NRXN3: variants seen among roughly 807,000 people sequenced by gnomAD.
NRXN3 encodes neurexin III.
In NRXN3, 32 loss-of-function variants were observed where a neutral mutation model predicts 137.6. The ratio of observed to expected loss-of-function variants is 0.23; its 90% CI spans 0.18 to 0.31. The LOEUF (loss-of-function observed/expected upper bound fraction) is 0.31. Ranked by LOEUF, NRXN3 falls within the 10% of genes least tolerant of loss-of-function variation. The pLI, the probability that NRXN3 is intolerant of heterozygous loss-of-function variation, is 1.00. For missense variants in NRXN3, 1,574 were observed against 2,062.5 expected, an observed-to-expected ratio of 0.76 and a Z score of 4.59; for synonymous variants, 798 against 784.5, an observed-to-expected ratio of 1.02 and a Z score of -0.29.
At chr14:78,943,628 ATAT>A (rs2099359119) in intron 10 of NRXN3, among the ~76,000 whole-genome samples, 3 of 10,204 alleles carry the variant, frequency 2.9e-4, no homozygotes, top group Admixed American at 7.7e-4. Context: ...AAAAATATAT[ATAT>A]ATATATATAT....
chr14:79,807,070 C>T (rs1245443506), intron 20 of NRXN3, among the ~76,000 whole-genome samples: 6 of 141,862 alleles, frequency 4.2e-5, no homozygotes, highest in African/African-American at 1.0e-4. Context: ...CTTAAACTCC[C>T]GGGCTCAAGT....
chr14:78,259,272 T>A (rs1198287896), intron 2 of NRXN3, among the ~76,000 whole-genome samples: 4 of 152,152 alleles, frequency 2.6e-5, no homozygotes, highest in Non-Finnish European at 5.9e-5. Context: ...TCAGGTCCCA[T>A]AAGAGCAAGA....
chr14:78,349,578 G>T lies in NRXN3; in HGVS notation c.757+51718G>T, dbSNP rs35057919. On this transcript the variant is annotated intron_variant, in intron 4 of 20. Coordinates refer to ENST00000335750, the MANE Select transcript of NRXN3 (RefSeq NM_001330195.2). ...TCTGGATTGTGTGTCACTCATTTTA[G>T]CTTTCAATTACATGCGGTCTAGTTA... Among the ~76,000 whole-genome samples the T allele has an allele frequency of 3.3e-5, 5 of 152,248 alleles. 1 individual carries two copies. The South Asian group carries it at 1.0e-3, about 32-fold the overall frequency.
intron 4 of NRXN3, among the ~76,000 whole-genome samples, chr14:78,595,611 T>G (rs958083002): frequency 6.6e-6 from 1 of 152,198 alleles, no homozygotes; most frequent in African/African-American, 2.4e-5. Context: ...TTGACCCAGA[T>G]CCTATTCTTG....
In NRXN3 at chr14:79,459,161, G is replaced by T. The variant is rs189803428; in HGVS notation, c.3263-8060G>T. ...GATATTTGGTAAAAGATCTTGGCAA[G>T]TAGTTTTACCTTATTCTATAGCTTC... is the stretch of plus-strand genomic sequence containing the variant. On this transcript the variant is annotated intron_variant, in intron 15 of 20. Coordinates refer to ENST00000335750, the MANE Select transcript of NRXN3 (RefSeq NM_001330195.2). Among the ~76,000 whole-genome samples the T allele has an allele frequency of 2.0e-4, 31 of 152,196 alleles. No individual in the cohort carries two copies. The South Asian group carries it at 2.5e-3, about 12-fold the overall frequency.
intron 4 of NRXN3, among the ~76,000 whole-genome samples, chr14:78,568,428 A>G (rs962735026): frequency 7.2e-5 from 11 of 152,182 alleles, no homozygotes; most frequent in African/African-American, 2.4e-4. Context: ...ATTGTCAGAT[A>G]CAAATTTTTG....
In NRXN3 at chr14:78,569,879, C is replaced by T. The variant is rs75087544; in HGVS notation, c.758-75241C>T. 5.0e-3 allele frequency among the ~76,000 whole-genome samples: 756 copies of T among 152,292 alleles called. 19 individuals carry two copies. The East Asian group carries it at 0.093, about 19-fold the overall frequency. On this transcript the variant is annotated intron_variant, in intron 4 of 20. Transcript: ENST00000335750. ...CCTGCCTCAGCCTCCTGAGTAGCTG[C>T]GACTACGGGCTTGCACCCGGAAACT...
At chr14:78,612,695 C>A (rs1011625695) in intron 4 of NRXN3, among the ~76,000 whole-genome samples, 2 of 152,196 alleles carry the variant, frequency 1.3e-5, no homozygotes, top group Middle Eastern at 6.3e-3. Context: ...TAGTCTGGTA[C>A]TCAGTTGAGA....
chr14:78,928,089 C>T (rs2099311138), intron 10 of NRXN3, among the ~76,000 whole-genome samples: 1 of 152,100 alleles, frequency 6.6e-6, no homozygotes, highest in South Asian at 2.1e-4. Flanking sequence ...CCCAGTTGTC[C>T]ACAGCAATAG....
At chr14:78,559,775 C>T (rs985499820) in intron 4 of NRXN3, among the ~76,000 whole-genome samples, 3 of 152,210 alleles carry the variant, frequency 2.0e-5, no homozygotes, top group African/African-American at 7.2e-5. Context: ...GCCACTAAGG[C>T]TGCTTAAAAT....
chr14:78,223,116 T>C (rs2064052398), intron 1 of NRXN3, among the ~76,000 whole-genome samples: 1 of 152,210 alleles, frequency 6.6e-6, no homozygotes, highest in Non-Finnish European at 1.5e-5. Flanking sequence ...TGACTTCACT[T>C]GCAGCTTTGG....
intron 15 of NRXN3, among the ~76,000 whole-genome samples, chr14:79,052,020 C>T (rs548198587): frequency 3.9e-5 from 6 of 152,186 alleles, no homozygotes; most frequent in Admixed American, 2.6e-4. Flanking sequence ...TTTTGATTTG[C>T]GTTTAGTCAT....
intron 19 of NRXN3, among the ~76,000 whole-genome samples, chr14:79,784,451 G>T (rs181179114): frequency 3.4e-4 from 51 of 152,198 alleles, no homozygotes; most frequent in African/African-American, 1.2e-3. Context: ...GATTAAGATT[G>T]TATTTTAGAA....
intron 16 of NRXN3, among the ~76,000 whole-genome samples, chr14:79,627,040 TA>T (rs919048069): frequency 6.6e-6 from 1 of 151,882 alleles, no homozygotes; most frequent in Non-Finnish European, 1.5e-5. Context: ...TATGACAGGT[TA>T]AAAAAAAGAC....
chr14:79,757,808 T>C (rs2099024815), intron 19 of NRXN3, among the ~76,000 whole-genome samples: 1 of 152,156 alleles, frequency 6.6e-6, no homozygotes, highest in Admixed American at 6.5e-5. Context: ...TCTCAACTTT[T>C]TAGATACTAT....
At chr14:78,453,530 A>T (rs961854692) in intron 4 of NRXN3, among the ~76,000 whole-genome samples, 15 of 152,254 alleles carry the variant, frequency 9.9e-5, no homozygotes, top group Non-Finnish European at 1.8e-4. Context: ...CCACTCAACC[A>T]AGATAATTAA....
intron 15 of NRXN3, among the ~76,000 whole-genome samples, chr14:79,230,663 G>A (rs1428578251): frequency 2.6e-5 from 4 of 152,132 alleles, no homozygotes; most frequent in Non-Finnish European, 5.9e-5. Flanking sequence ...TGGTGAATTA[G>A]TATCCTAATT....
intron 15 of NRXN3, among the ~76,000 whole-genome samples, chr14:79,120,066 A>G (rs1236617300): frequency 1.3e-5 from 2 of 152,122 alleles, no homozygotes; most frequent in Non-Finnish European, 2.9e-5. Flanking sequence ...GTTTTAATCA[A>G]CAGTAAAAAT....
chr14:78,852,688 G>T lies in NRXN3; in HGVS notation c.2275+42344G>T, dbSNP rs547049565. On this transcript the variant is annotated intron_variant, in intron 10 of 20. Transcript: ENST00000335750. ...GGAGGAGCATTTTAGGACTGGCTCT[G>T]CCATTTAACTTAAATAATAAGTTAT... is the stretch of plus-strand genomic sequence containing the variant. Among the ~76,000 whole-genome samples the T allele has an allele frequency of 1.1e-4, 17 of 152,152 alleles. No individual in the cohort carries two copies. In the South Asian group the frequency reaches 3.5e-3, roughly 32 times the overall value.
Sources: gnomAD v4.1 joint callset for allele counts (sites outside exome capture counted in the v4.1 genomes callset) on GRCh38, gnomAD v4.1.1 for gene constraint, MANE v1.5 for transcripts, NCBI Gene and HGNC (gene_info 2026-07-23, HGNC 2026-07-21) for gene names.